EPHA7: variants seen among roughly 807,000 people sequenced by gnomAD.
EPHA7 encodes EPH receptor A7.
Under a neutral mutation model 112.6 loss-of-function variants are expected in EPHA7, and 25 were observed. The ratio of observed to expected loss-of-function variants is 0.22; its 90% CI spans 0.16 to 0.31. EPHA7 has a LOEUF of 0.31. EPHA7 is among the 10% of genes least tolerant of loss of function. The pLI is 1.00. For missense variants in EPHA7, 962 were observed against 1,212.6 expected, an observed-to-expected ratio of 0.79 and a Z score of 3.07; for synonymous variants, 437 against 406.5, an observed-to-expected ratio of 1.07 and a Z score of -0.90.
chr6:93,310,447 A>T (rs1292789918), intron 5 of EPHA7, among the ~76,000 whole-genome samples: 1 of 152,142 alleles, frequency 6.6e-6, no homozygotes. Flanking sequence ...TGCGTGGATG[A>T]TGAGGTCTGG....
chr6:93,296,024 A>G (rs1562076856), intron 5 of EPHA7, among the ~76,000 whole-genome samples: 1 of 151,804 alleles, frequency 6.6e-6, no homozygotes, highest in Non-Finnish European at 1.5e-5. Flanking sequence ...ATATAATTAA[A>G]ATATTAATAC....
chr6:93,302,960 T>C (rs1773066035), intron 5 of EPHA7, among the ~76,000 whole-genome samples: 2 of 152,086 alleles, frequency 1.3e-5, no homozygotes, highest in African/African-American at 4.8e-5. Flanking sequence ...AGTTAGCTGA[T>C]AAGGTAGCCT....
At chr6:93,377,993 A>G (rs997281733) in intron 3 of EPHA7, among the ~76,000 whole-genome samples, 1 of 152,018 alleles carries the variant, frequency 6.6e-6, no homozygotes, top group Non-Finnish European at 1.5e-5. Flanking sequence ...CCAATAATAA[A>G]TTAAACCATT....
Position 93,410,289 on chromosome 6 carries a change from A to G in EPHA7, c.832+212T>C. ...AGGACACATTAAATTTTAGTAACAA[A>G]TTTCATTATCACCTATATTGATTAC... On this transcript the variant is annotated intron_variant, in intron 3 of 16. Coordinates refer to ENST00000369303, the MANE Select transcript of EPHA7 (RefSeq NM_004440.4). The surrounding 1 kb of genome is among the most constrained non-coding windows in gnomAD (Gnocchi z 4.0). 1 of 550,806 alleles carries G rather than the reference A, an allele frequency of 1.8e-6. No individual in the cohort carries two copies. The highest frequency in any genetic ancestry group is 3.2e-6 in the Non-Finnish European group (1 of 311,320). 34.1% of individuals were successfully genotyped at this position (550,806 alleles called of 1,614,324 possible). A position where few individuals can be genotyped will look rare whatever the true frequency, so the allele number is the denominator to read the frequency against.
Position 93,378,625 on chromosome 6 carries a change from T to C in EPHA7, c.833-20214A>G, listed in dbSNP as rs571012976. Among the ~76,000 whole-genome samples the C allele has an allele frequency of 9.9e-5, 15 of 152,240 alleles. No individual in the cohort carries two copies. In the South Asian group the frequency reaches 2.1e-3, roughly 21 times the overall value. The stretch of plus-strand genomic sequence containing the variant: ...AAACACTGGAACTTAAAATGCAATT[T>C]GATTTACAATTGCAAGTAGGGTCCT... On this transcript the variant is annotated intron_variant, in intron 3 of 16. Coordinates refer to ENST00000369303, the MANE Select transcript of EPHA7 (RefSeq NM_004440.4).
intron 3 of EPHA7, among the ~76,000 whole-genome samples, chr6:93,390,022 C>T (rs1777823087): frequency 6.6e-6 from 1 of 151,768 alleles, no homozygotes; most frequent in African/African-American, 2.4e-5. Context: ...ATTTATAATA[C>T]AGGGTTCTGG....
intron 5 of EPHA7, among the ~76,000 whole-genome samples, chr6:93,309,834 T>G (rs16871133): frequency 3.9e-5 from 6 of 152,192 alleles, no homozygotes; most frequent in African/African-American, 1.4e-4. Context: ...CACAATTAAA[T>G]GAACAATATC....
At chr6:93,356,392 G>A (rs1177323550) in intron 5 of EPHA7, among the ~76,000 whole-genome samples, 2 of 152,000 alleles carry the variant, frequency 1.3e-5, no homozygotes, top group Non-Finnish European at 2.9e-5. Flanking sequence ...ATTTTTAGTA[G>A]AGATGGGGTT....
At chr6:93,244,584 A>G (rs1418792144) in intron 16 of EPHA7, among the ~76,000 whole-genome samples, 2 of 152,132 alleles carry the variant, frequency 1.3e-5, no homozygotes, top group Admixed American at 6.6e-5. Flanking sequence ...CCAGGAACCC[A>G]TAATTAGTGA....
chr6:93,363,791 T>C (rs920891808), intron 3 of EPHA7, among the ~76,000 whole-genome samples: 2 of 152,166 alleles, frequency 1.3e-5, no homozygotes, highest in African/African-American at 2.4e-5. Flanking sequence ...TTATTTGTAA[T>C]AGCCAAAAAG....
intron 5 of EPHA7, among the ~76,000 whole-genome samples, chr6:93,336,264 G>C (rs1301300513): frequency 6.6e-6 from 1 of 152,098 alleles, no homozygotes; most frequent in Non-Finnish European, 1.5e-5. Context: ...CAGAAAACGA[G>C]GCAAATGCAA....
chr6:93,304,248 C>A (rs946497426), intron 5 of EPHA7, among the ~76,000 whole-genome samples: 3 of 151,290 alleles, frequency 2.0e-5, no homozygotes, highest in African/African-American at 7.3e-5. Flanking sequence ...TGTACACTTG[C>A]TCAGATTTTG....
intron 5 of EPHA7, among the ~76,000 whole-genome samples, chr6:93,338,094 C>T (rs999409042): frequency 7.9e-5 from 12 of 151,888 alleles, no homozygotes; most frequent in African/African-American, 2.9e-4. Context: ...CATCATGTTG[C>T]CCCCAAATCC....
chr6:93,317,727 C>G (rs1773880164), intron 5 of EPHA7, among the ~76,000 whole-genome samples: 1 of 152,088 alleles, frequency 6.6e-6, no homozygotes, highest in East Asian at 1.9e-4. Flanking sequence ...ACCAACCCAC[C>G]TCCAACCCCT....
At chr6:93,293,457 T>C (rs1326479196) in intron 5 of EPHA7, among the ~76,000 whole-genome samples, 1 of 152,186 alleles carries the variant, frequency 6.6e-6, no homozygotes, top group African/African-American at 2.4e-5. Flanking sequence ...TGAAGGTTTA[T>C]CTGTCATGTT....
chr6:93,272,347 T>C lies in EPHA7; in HGVS notation c.1400A>G (p.Glu467Gly). Reference protein sequence around the residue: ...RSVELSWQEPEHPNGVITEYE... With the variant: ...RSVELSWQEPGHPNGVITEYE... ...TTCTGTGATGACTCCATTGGGATGCTCTGGTTCCTGCCAGGAAAGCTCGAC... is the reference window on the plus strand; with the variant it reads ...TTCTGTGATGACTCCATTGGGATGCCCTGGTTCCTGCCAGGAAAGCTCGAC... Residue 467 changes from glutamate (E) to glycine (G), a missense_variant, in exon 6 of 17, where the codon GAG becomes GGG. Physicochemically the swap from Glu to Gly is moderately conservative, Grantham distance 98 (BLOSUM62 -2). Around this residue, in one of 3 missense-constraint regions of EPHA7, gnomAD observed 746 missense variants for 889.2 expected, o/e 0.84. Coordinates refer to ENST00000369303, the MANE Select transcript of EPHA7 (RefSeq NM_004440.4). 1 of 1,612,226 alleles carries C rather than the reference T, an allele frequency of 6.2e-7. No individual in the cohort carries two copies. Among genetic ancestry groups the C allele is most frequent in the Non-Finnish European group, 8.5e-7 (1 of 1,178,682 alleles).
intron 5 of EPHA7, among the ~76,000 whole-genome samples, chr6:93,292,438 C>T (rs865801731): frequency 1.3e-5 from 2 of 151,892 alleles, no homozygotes; most frequent in South Asian, 4.2e-4. Context: ...TATGGGAAAC[C>T]TGATGATTTA....
intron 5 of EPHA7, among the ~76,000 whole-genome samples, chr6:93,298,685 C>T: frequency 6.6e-6 from 1 of 152,064 alleles, no homozygotes; most frequent in East Asian, 1.9e-4. Context: ...ATTATTTTGC[C>T]TATCACATTG....
At chr6:93,356,335 G>T (rs1463321002) in intron 5 of EPHA7, among the ~76,000 whole-genome samples, 1 of 151,868 alleles carries the variant, frequency 6.6e-6, no homozygotes, top group East Asian at 1.9e-4. Context: ...AGCCTCTCAA[G>T]TAACTGGGAC....
Sources: allele counts gnomAD v4.1 joint callset (sites outside exome capture counted in the v4.1 genomes callset), GRCh38; gene constraint gnomAD v4.1.1; regional missense constraint gnomAD v4.1.1; non-coding constraint Gnocchi (gnomAD v3.1); transcripts MANE v1.5; gene names NCBI Gene and HGNC (gene_info 2026-07-23, HGNC 2026-07-21).